Variants in PAK5 observed in about 807,000 individuals in gnomAD.
PAK5 encodes p21 (RAC1) activated kinase 5.
PAK5 carries 16 observed loss-of-function variants against 65.9 expected under a neutral mutation model. That is an observed-to-expected ratio of 0.24 (90% CI 0.16 to 0.37). PAK5 has a LOEUF of 0.37. Among genes scored for constraint, PAK5 ranks in the 10% least tolerant of loss-of-function variants. The pLI is 1.00. For missense variants in PAK5, 785 were observed against 903.9 expected (o/e 0.87, Z 1.69); for synonymous variants, 371 against 354.9 (o/e 1.05, Z -0.51).
chr20:9,702,505 G>C (rs1569048472), intron 2 of PAK5, among the ~76,000 whole-genome samples: 1 of 152,126 alleles, frequency 6.6e-6, no homozygotes, highest in Admixed American at 6.6e-5. Flanking sequence ...ATCACGATGT[G>C]TAAAATGTAC....
At chr20:9,827,278 T>C (rs1334847350) in intron 1 of PAK5, among the ~76,000 whole-genome samples, 1 of 152,206 alleles carries the variant, frequency 6.6e-6, no homozygotes, top group Non-Finnish European at 1.5e-5. Flanking sequence ...ACAGCATTGA[T>C]TGCCTTGGAT....
At chr20:9,676,325 T>C (rs567711652) in intron 2 of PAK5, among the ~76,000 whole-genome samples, 2 of 152,282 alleles carry the variant, frequency 1.3e-5, no homozygotes, top group South Asian at 4.1e-4. Flanking sequence ...AGGCAATATA[T>C]GAATTATTTA....
intron 2 of PAK5, among the ~76,000 whole-genome samples, chr20:9,692,229 A>C (rs764244584): frequency 6.6e-6 from 1 of 152,248 alleles, no homozygotes; most frequent in Non-Finnish European, 1.5e-5. Context: ...CTAACTGTAC[A>C]TTAACACCAA....
At chr20:9,794,543 A>C (rs1326133534) in intron 1 of PAK5, among the ~76,000 whole-genome samples, 1 of 152,036 alleles carries the variant, frequency 6.6e-6, no homozygotes, top group Non-Finnish European at 1.5e-5. Flanking sequence ...CAGATGAGTT[A>C]GAACATTTAG....
At chr20:9,584,769 A>G (rs1368263599) in intron 3 of PAK5, among the ~76,000 whole-genome samples, 1 of 152,250 alleles carries the variant, frequency 6.6e-6, no homozygotes, top group Non-Finnish European at 1.5e-5. Context: ...TTTGTATCAC[A>G]GTGTATCAAC....
At chr20:9,734,551 T>G (rs866215512) in intron 1 of PAK5, among the ~76,000 whole-genome samples, 1 of 58,238 alleles carries the variant, frequency 1.7e-5, no homozygotes, top group African/African-American at 5.1e-5. Context: ...CACGCGCACA[T>G]GCACACACAC....
intron 3 of PAK5, among the ~76,000 whole-genome samples, chr20:9,622,973 T>C (rs2046792725): frequency 6.6e-6 from 1 of 152,230 alleles, no homozygotes; most frequent in Non-Finnish European, 1.5e-5. Flanking sequence ...AATGATGTGT[T>C]ATAAAATTGC....
chr20:9,725,458 C>A (rs745318309), intron 1 of PAK5, among the ~76,000 whole-genome samples: 2 of 151,940 alleles, frequency 1.3e-5, no homozygotes, highest in Admixed American at 6.6e-5. Context: ...ATGAATGGAA[C>A]ATGAAAAAAC....
At chr20:9,750,420 T>G (rs186902635) in intron 1 of PAK5, among the ~76,000 whole-genome samples, 128 of 152,298 alleles carry the variant, frequency 8.4e-4, no homozygotes, top group Admixed American at 2.4e-3. Flanking sequence ...ACAAAACTTT[T>G]AAATCCTTCT....
chr20:9,556,680 C>G (rs1308127951), intron 7 of PAK5, among the ~76,000 whole-genome samples: 1 of 152,224 alleles, frequency 6.6e-6, no homozygotes, highest in Non-Finnish European at 1.5e-5. Flanking sequence ...ATTCCATGCT[C>G]TGTGCCCTGG....
chr20:9,772,330 G>A (rs2048842388), intron 1 of PAK5, among the ~76,000 whole-genome samples: 1 of 152,192 alleles, frequency 6.6e-6, no homozygotes, highest in Admixed American at 6.5e-5. Flanking sequence ...ATAAGAAAGT[G>A]CACTATTAGG....
rs927366377 is a variant in PAK5, at chr20:9,731,412, A to G, written c.-161-19977T>C. Among the ~76,000 whole-genome samples, 4 of 152,188 alleles carry G rather than the reference A, an allele frequency of 2.6e-5. 1 individual carries two copies. The highest frequency in any genetic ancestry group is 2.0e-4 in the Admixed American group (3 of 15,268). On this transcript the variant is annotated intron_variant, in intron 1 of 9. Transcript: ENST00000353224. ...TTTTCATAATAGGTCTTTAAAATCC[A>G]GTATGTGTTTTATGCTTTCAGCACA... is the stretch of plus-strand genomic sequence containing the variant.
chr20:9,550,697 G>C (rs1366810505), intron 7 of PAK5, among the ~76,000 whole-genome samples: 1 of 151,330 alleles, frequency 6.6e-6, no homozygotes, highest in Non-Finnish European at 1.5e-5. Flanking sequence ...AAGAAGTCTG[G>C]GTTAGTTTTA....
intron 1 of PAK5, among the ~76,000 whole-genome samples, chr20:9,731,731 T>C (rs1202660907): frequency 6.6e-6 from 1 of 152,196 alleles, no homozygotes. Flanking sequence ...CTTTGCAGTG[T>C]AGAGGAAGTA....
chr20:9,698,354 C>A lies in PAK5; in HGVS notation c.-12+12932G>T, dbSNP rs372966604. On this transcript the variant is annotated intron_variant, in intron 2 of 9. Transcript: ENST00000353224. ...CCATGGAGTTATACTCTTTGGCCAG[C>A]CAGAAAGAGAGGATAGTATAAATCC... 1.1e-4 allele frequency among the ~76,000 whole-genome samples: 17 copies of A among 152,106 alleles called. 2 individuals carry two copies. In the South Asian group the frequency reaches 3.1e-3, roughly 28 times the overall value.
intron 6 of PAK5, among the ~76,000 whole-genome samples, chr20:9,559,117 G>T (rs2045555970): frequency 6.6e-6 from 1 of 152,104 alleles, no homozygotes; most frequent in Non-Finnish European, 1.5e-5. Context: ...GATGGCACAG[G>T]TTGTTCAGTG....
At chr20:9,547,378 C>A (rs1303610574) in intron 7 of PAK5, among the ~76,000 whole-genome samples, 1 of 152,228 alleles carries the variant, frequency 6.6e-6, no homozygotes, top group Non-Finnish European at 1.5e-5. Context: ...TGAATACACT[C>A]ACTGAGCTCT....
At chr20:9,706,634 A>T (rs1226813000) in intron 2 of PAK5, among the ~76,000 whole-genome samples, 1 of 150,518 alleles carries the variant, frequency 6.6e-6, no homozygotes, top group Non-Finnish European at 1.5e-5. Flanking sequence ...GCATGCCACC[A>T]TTCCTGGCTA....
rs192706446 is a variant in PAK5 at position 9,570,525 on chromosome 20, C to T, written c.991-4141G>A. 1.1e-4 allele frequency among the ~76,000 whole-genome samples: 16 copies of T among 152,238 alleles called. 1 individual carries two copies. In the South Asian group the frequency reaches 1.5e-3, roughly 14 times the overall value. The stretch of plus-strand genomic sequence containing the variant: ...AGAAGTGTCAGTGTAAGTTAAACTA[C>T]GATGGAATGGGGAGAGAGAAGTGTC... On this transcript the variant is annotated intron_variant, in intron 4 of 9. Coordinates refer to ENST00000353224, the MANE Select transcript of PAK5 (RefSeq NM_177990.4).
Sources: gnomAD v4.1 joint callset for allele counts (sites outside exome capture counted in the v4.1 genomes callset) on GRCh38, gnomAD v4.1.1 for gene constraint, MANE v1.5 for transcripts, NCBI Gene and HGNC (gene_info 2026-07-23, HGNC 2026-07-21) for gene names.